The following NRXN1 variants were observed in gnomAD, a reference collection of about 807,000 sequenced individuals.
NRXN1 encodes neurexin 1.
NRXN1 carries 39 observed loss-of-function variants against 150.9 expected under a neutral mutation model. The observed-to-expected ratio is 0.26, with a 90% CI of 0.20 to 0.34. The LOEUF (loss-of-function observed/expected upper bound fraction) is 0.34, where lower values mean the gene tolerates loss of function less well. Ranked by LOEUF, NRXN1 falls within the 10% of genes least tolerant of loss-of-function variation. The pLI is 1.00. For synonymous variants in NRXN1, 924 were observed against 757.0 expected (o/e 1.22, Z -3.62); for missense variants, 1,815 against 1,949.9 (o/e 0.93, Z 1.30).
chr2:50,172,675 A>G (rs1244056138), intron 18 of NRXN1, among the ~76,000 whole-genome samples: 1 of 152,216 alleles, frequency 6.6e-6, no homozygotes, highest in Non-Finnish European at 1.5e-5. Context: ...TGAAGAAATT[A>G]CTTGCCTCCT....
At chr2:50,680,596 T>A (rs1351146695) in intron 5 of NRXN1, among the ~76,000 whole-genome samples, 1 of 152,056 alleles carries the variant, frequency 6.6e-6, no homozygotes, top group Non-Finnish European at 1.5e-5. Flanking sequence ...AGATGACAAA[T>A]TTTTTAGATT....
intron 19 of NRXN1, among the ~76,000 whole-genome samples, chr2:50,075,497 T>C (rs1433575025): frequency 1.3e-5 from 2 of 152,192 alleles, no homozygotes; most frequent in East Asian, 1.9e-4. Context: ...TAACTTAGAC[T>C]GAGTCTAGTT....
At chr2:50,692,657 G>A (rs930789178) in intron 5 of NRXN1, among the ~76,000 whole-genome samples, 6 of 152,154 alleles carry the variant, frequency 3.9e-5, no homozygotes, top group African/African-American at 1.4e-4. Flanking sequence ...AGATTTGCCA[G>A]CAATAATGAC....
chr2:50,266,552 C>T (rs1330441417), intron 17 of NRXN1, among the ~76,000 whole-genome samples: 77 of 87,568 alleles, frequency 8.8e-4, no homozygotes, highest in South Asian at 4.1e-3. Context: ...CACACACACA[C>T]ACACACACAC....
At chr2:50,719,546 T>C (rs1696349819) in intron 5 of NRXN1, among the ~76,000 whole-genome samples, 2 of 151,632 alleles carry the variant, frequency 1.3e-5, no homozygotes, top group Non-Finnish European at 2.9e-5. Flanking sequence ...CATGGTGGCA[T>C]ACGCCTGTAA....
chr2:51,025,201 A>G (rs1040338538), intron 2 of NRXN1, among the ~76,000 whole-genome samples: 1 of 152,094 alleles, frequency 6.6e-6, no homozygotes, highest in Non-Finnish European at 1.5e-5. Context: ...TTTCAGTTCA[A>G]ATTTTCAAAG....
At chr2:50,121,076 G>A (rs1703788551) in intron 18 of NRXN1, among the ~76,000 whole-genome samples, 1 of 152,242 alleles carries the variant, frequency 6.6e-6, no homozygotes, top group African/African-American at 2.4e-5. Context: ...TGAGGCTGGA[G>A]TGCAGTGGCA....
chr2:50,235,338 T>C (rs567774082), intron 18 of NRXN1, among the ~76,000 whole-genome samples: 1 of 152,180 alleles, frequency 6.6e-6, no homozygotes, highest in East Asian at 1.9e-4. Context: ...AGAAATTTGC[T>C]AAAAGGCACC....
chr2:50,047,439 C>T (rs1444351835), intron 21 of NRXN1, among the ~76,000 whole-genome samples: 1 of 151,932 alleles, frequency 6.6e-6, no homozygotes, highest in African/African-American at 2.4e-5. Flanking sequence ...AGGCCAGGTC[C>T]TTCTAGAGGT....
intron 17 of NRXN1, among the ~76,000 whole-genome samples, chr2:50,280,700 T>G (rs1428812891): frequency 6.6e-6 from 1 of 152,172 alleles, no homozygotes; most frequent in Non-Finnish European, 1.5e-5. Context: ...GAAAATACTA[T>G]GATTCAGGCT....
At chr2:50,103,865 C>CCAAA (rs70946889) in intron 18 of NRXN1, among the ~76,000 whole-genome samples, 130,531 of 150,338 alleles carry the variant, frequency 0.87, 56,746 homozygotes, top group Middle Eastern at 0.95. Flanking sequence ...CAGCCATTGA[C>CCAAA]CAAACAAACA....
chr2:50,669,889 T>A (rs1461174346), intron 5 of NRXN1, among the ~76,000 whole-genome samples: 1 of 151,394 alleles, frequency 6.6e-6, no homozygotes, highest in Non-Finnish European at 1.5e-5. Flanking sequence ...AAAAACGGAA[T>A]TAATCAGACC....
intron 2 of NRXN1, among the ~76,000 whole-genome samples, chr2:51,001,290 T>G (rs932918838): frequency 1.3e-5 from 2 of 151,116 alleles, no homozygotes; most frequent in African/African-American, 4.9e-5. Context: ...AAAAGGCAAT[T>G]GTGTTTCTAG....
At position 50,346,981 on chromosome 2, in the gene NRXN1, G is replaced by A. The variant is rs1446478264; in HGVS notation, c.3365-110011C>T. ...GCGCCCGCCGAGGGGCAGCCGCCGC[G>A]GGAGGCAAAGTTTGGGGCGCGGGGA... On this transcript the variant is annotated intron_variant, in intron 17 of 22. Coordinates refer to ENST00000401669, the MANE Select transcript of NRXN1 (RefSeq NM_001330078.2). The surrounding 1 kb of genome is among the most constrained non-coding windows in gnomAD (Gnocchi z 5.0). The A allele has an allele frequency of 6.6e-6, 9 of 1,359,708 alleles. No homozygotes were observed. The highest frequency in any genetic ancestry group is 3.1e-5 in the Admixed American group (1 of 32,418). 84.2% of individuals were successfully genotyped at this position (1,359,708 alleles called of 1,614,324 possible). A position where few individuals can be genotyped will look rare whatever the true frequency, so the allele number is the denominator to read the frequency against.
At chr2:50,227,274 AATAAAT>A (rs1284474041) in intron 18 of NRXN1, among the ~76,000 whole-genome samples, 1 of 151,964 alleles carries the variant, frequency 6.6e-6, no homozygotes, top group African/African-American at 2.4e-5. Flanking sequence ...CTATAATTTT[AATAAAT>A]AAAAATTAGT....
In NRXN1 at chr2:50,591,516, T is replaced by C. The variant is rs369745188; in HGVS notation, c.1320+28506A>G. 2.8e-4 allele frequency among the ~76,000 whole-genome samples: 43 copies of C among 152,178 alleles called. No individual in the cohort carries two copies. In the South Asian group the frequency reaches 8.5e-3, roughly 30 times the overall value. ...GAAAAAGTAAGCCAAACAATGATAG[T>C]GATGTAAAAAAATGTGGGTCCCAGG... On this transcript the variant is annotated intron_variant, in intron 8 of 22. Transcript: ENST00000401669.
In NRXN1 at chr2:50,349,673, G is replaced by T. The variant is rs543412276; in HGVS notation, c.3365-112703C>A. Among the ~76,000 whole-genome samples the T allele has an allele frequency of 1.1e-4, 16 of 152,210 alleles. No individual in the cohort carries two copies. The East Asian group carries it at 2.5e-3, about 24-fold the overall frequency. ...TTCTATCTTTCCTAACAATCCCACA[G>T]GGTAGAAAGGATATCATGCAATATT... is the stretch of plus-strand genomic sequence containing the variant. On this transcript the variant is annotated intron_variant, in intron 17 of 22. Coordinates refer to ENST00000401669, the MANE Select transcript of NRXN1 (RefSeq NM_001330078.2).
At chr2:50,697,230 T>C (rs1465298095) in intron 5 of NRXN1, among the ~76,000 whole-genome samples, 3 of 152,196 alleles carry the variant, frequency 2.0e-5, no homozygotes, top group African/African-American at 7.2e-5. Flanking sequence ...ATAAACTTCA[T>C]TAGTCTTCAT....
At chr2:50,164,074 G>C (rs1466490193) in intron 18 of NRXN1, among the ~76,000 whole-genome samples, 1 of 152,066 alleles carries the variant, frequency 6.6e-6, no homozygotes, top group Non-Finnish European at 1.5e-5. Flanking sequence ...ACATTGTTTA[G>C]TAACTTGTGA....
Sources: gnomAD v4.1 joint callset for allele counts (sites outside exome capture counted in the v4.1 genomes callset) on GRCh38, gnomAD v4.1.1 for gene constraint, Gnocchi (gnomAD v3.1) non-coding constraint, MANE v1.5 for transcripts, NCBI Gene and HGNC (gene_info 2026-07-23, HGNC 2026-07-21) for gene names.